The following ST18 variants were observed in gnomAD, a reference collection of about 807,000 sequenced individuals.
ST18 encodes suppression of tumorigenicity 18 protein.
Under a neutral mutation model 110.0 loss-of-function variants are expected in ST18, and 50 were observed. The observed-to-expected ratio is 0.45, with a 90% CI of 0.36 to 0.58. ST18 has a LOEUF of 0.58. Among genes scored for constraint, ST18 ranks in the 20% least tolerant of loss-of-function variants. The probability of loss-of-function intolerance (pLI) is 0.00; values close to 1 mark genes in which losing one functional copy is unlikely to be tolerated. For missense variants in ST18, 1,306 were observed against 1,280.1 expected, an observed-to-expected ratio of 1.02 and a Z score of -0.31; for synonymous variants, 461 against 452.4, an observed-to-expected ratio of 1.02 and a Z score of -0.24.
rs2087321494 is a variant in ST18, at chr8:52,222,634, A to G, written c.-418-841T>C. ...GGAGCCCTGCAGAGGCTCTCCATCCATGTGTCTATCATTAATAACTCCACA... is the reference window on the plus strand; with the variant it reads ...GGAGCCCTGCAGAGGCTCTCCATCCGTGTGTCTATCATTAATAACTCCACA... On this transcript the variant is annotated intron_variant, in intron 3 of 25. Coordinates refer to ENST00000689386, the MANE Select transcript of ST18 (RefSeq NM_001352837.2). Among the ~76,000 whole-genome samples the G allele has an allele frequency of 2.0e-5, 3 of 152,232 alleles. No individual in the cohort carries two copies. The South Asian group carries it at 6.2e-4, about 32-fold the overall frequency.
intron 2 of ST18, among the ~76,000 whole-genome samples, chr8:52,331,436 T>C (rs1277193471): frequency 6.6e-6 from 1 of 152,156 alleles, no homozygotes; most frequent in Non-Finnish European, 1.5e-5. Flanking sequence ...TAAGAGGTCA[T>C]TTCCAGAGCA....
intron 2 of ST18, among the ~76,000 whole-genome samples, chr8:52,332,138 A>G (rs1809770004): frequency 6.6e-6 from 1 of 152,046 alleles, no homozygotes; most frequent in African/African-American, 2.4e-5. Context: ...AAGTATAACC[A>G]CTCATTGTTA....
In ST18 at chr8:52,172,029, C is replaced by T. The variant is rs374934657; in HGVS notation, c.832G>A (p.Val278Ile). The T allele has an allele frequency of 1.4e-5, 23 of 1,614,112 alleles. No individual in the cohort carries two copies. Among genetic ancestry groups the T allele is most frequent in the South Asian group, 5.5e-5 (5 of 91,092 alleles). Residue 278 changes from valine to isoleucine, a missense_variant, in exon 10 of 26, where the codon GTT (valine) becomes ATT (isoleucine). Val to Ile is a conservative substitution (Grantham distance 29, BLOSUM62 3). Transcript: ENST00000689386. ...AGGCTCTCGCTATCTTCCTCCTCAA[C>T]GTCAGGGAATGAGGGCTGGGCATTG... ...DGNAQPSFPD[V>I]EEEDSESLAV...
chr8:52,357,793 A>C lies in ST18; in HGVS notation c.-465+51535T>G, dbSNP rs1381874393. On this transcript the variant is annotated intron_variant, in intron 2 of 25. Coordinates refer to ENST00000689386, the MANE Select transcript of ST18 (RefSeq NM_001352837.2). ...ATTTGGAAATTTTAATTCCCCACTT[A>C]TGTTAATGAATAGATCCATAAGGAA... Among the ~76,000 whole-genome samples the C allele has an allele frequency of 6.9e-5, 10 of 145,824 alleles. No individual in the cohort carries two copies. The Admixed American group carries it at 7.0e-4, about 10-fold the overall frequency.
At chr8:52,197,561 A>G (rs2076553630) in intron 8 of ST18, among the ~76,000 whole-genome samples, 1 of 152,220 alleles carries the variant, frequency 6.6e-6, no homozygotes, top group Non-Finnish European at 1.5e-5. Flanking sequence ...ACCAGGAAAC[A>G]TAAAGGTCTA....
At chr8:52,365,289 A>C (rs966492484) in intron 2 of ST18, among the ~76,000 whole-genome samples, 4 of 152,146 alleles carry the variant, frequency 2.6e-5, no homozygotes, top group Non-Finnish European at 4.4e-5. Flanking sequence ...TCAGATGAAG[A>C]ATGTTTCGCC....
Position 52,133,084 on chromosome 8 carries a change from T to G in ST18, c.2417A>C (p.Lys806Thr). 1 of 1,614,170 alleles carries G rather than the reference T, an allele frequency of 6.2e-7. No homozygotes were observed. The highest frequency in any genetic ancestry group is 8.5e-7 in the Non-Finnish European group (1 of 1,180,012). Residue 806 changes from lysine (K) to threonine (T), a missense_variant, in exon 21 of 26, where the codon AAG becomes ACG. Lys to Thr is a moderately conservative substitution (Grantham distance 78). Coordinates refer to ENST00000689386, the MANE Select transcript of ST18 (RefSeq NM_001352837.2). ...RKGGVKMTPT[K>T]EEKEDPELKC... ...CAGTTCAGGGTCTTCTTTTTCTTCC[T>G]TGGTAGGGGTCATTTTGACACCACC...
Position 52,164,047 on chromosome 8 carries a change from A to C in ST18, c.1339T>G (p.Ser447Ala). ...PIAAAEKLAM[S>A]QDKNQLDSPQ... ...GAATCAAGCTGATTTTTATCCTGGG[A>C]CATTGCCAATTTTTCAGCTGCAGCA... Residue 447 changes from serine to alanine, a missense_variant, in exon 13 of 26, where the codon TCC becomes GCC. Coordinates refer to ENST00000689386, the MANE Select transcript of ST18 (RefSeq NM_001352837.2). 6.2e-7 allele frequency: 1 copy of C among 1,614,196 alleles called. No individual in the cohort carries two copies. The highest frequency in any genetic ancestry group is 8.5e-7 in the Non-Finnish European group (1 of 1,180,018).
chr8:52,113,209 T>C lies in ST18; in HGVS notation c.3133A>G (p.Ile1045Val), dbSNP rs752411601. Residue 1045 changes from isoleucine (I) to valine (V), a missense_variant, in exon 26 of 26, where the codon ATC becomes GTC. Ile to Val is a conservative substitution (Grantham distance 29). Transcript: ENST00000689386. ...GCAGCGCTGTGATCCTACACATGGA[T>C]ACCCTTCACTGCCTGTTTGATACTT... is the stretch of plus-strand genomic sequence containing the variant. ...LESIKQAVKGIHV is the reference protein window; with the variant it reads ...LESIKQAVKGVHV 1 of 1,614,056 alleles carries C rather than the reference T, an allele frequency of 6.2e-7. No individual in the cohort carries two copies. The highest frequency in any genetic ancestry group is 8.5e-7 in the Non-Finnish European group (1 of 1,179,930).
intron 2 of ST18, among the ~76,000 whole-genome samples, chr8:52,246,398 A>T (rs1014127939): frequency 4.6e-5 from 7 of 152,172 alleles, no homozygotes; most frequent in Admixed American, 3.3e-4. Flanking sequence ...CCTATGCTGT[A>T]AATACTTAAT....
At chr8:52,150,547 G>C (rs1415519227) in intron 15 of ST18, among the ~76,000 whole-genome samples, 1 of 152,164 alleles carries the variant, frequency 6.6e-6, no homozygotes, top group Non-Finnish European at 1.5e-5. Context: ...GGCTATGTGA[G>C]CCGGAAATGC....
chr8:52,139,490 G>A (rs1038745254), intron 17 of ST18, among the ~76,000 whole-genome samples: 1 of 152,080 alleles, frequency 6.6e-6, no homozygotes, highest in Non-Finnish European at 1.5e-5. Context: ...CGAATAGCTT[G>A]GATTACAGGC....
At chr8:52,209,665 C>G (rs143055783) in intron 8 of ST18, among the ~76,000 whole-genome samples, 18,724 of 150,212 alleles carry the variant, frequency 0.12, 1,286 homozygotes, top group Middle Eastern at 0.22. Flanking sequence ...AGCTACTCGA[C>G]AGGCTGAGGC....
intron 2 of ST18, among the ~76,000 whole-genome samples, chr8:52,361,429 G>C (rs1050832366): frequency 1.3e-5 from 2 of 152,228 alleles, no homozygotes; most frequent in African/African-American, 4.8e-5. Context: ...GAAAATGCCT[G>C]AGAGTGGGAG....
intron 2 of ST18, among the ~76,000 whole-genome samples, chr8:52,397,131 C>A (rs1841420984): frequency 6.6e-6 from 1 of 152,134 alleles, no homozygotes; most frequent in African/African-American, 2.4e-5. Context: ...TTCTCCACAC[C>A]CTTACCAACA....
At chr8:52,207,439 C>T (rs1249471468) in intron 8 of ST18, among the ~76,000 whole-genome samples, 3 of 152,150 alleles carry the variant, frequency 2.0e-5, no homozygotes, top group African/African-American at 7.2e-5. Flanking sequence ...CTCCAGTGAG[C>T]CAAGGTCACA....
chr8:52,116,254 A>G lies in ST18; in HGVS notation c.3003+21T>C, dbSNP rs199592058. ...TGCAAATGCTTGTAATGGAATGGCA[A>G]GGTTCTGGCCTTGAACTTACCATCT... On this transcript the variant is annotated intron_variant, in intron 25 of 25. Transcript: ENST00000689386. 9 of 1,607,820 alleles carry G rather than the reference A, an allele frequency of 5.6e-6. No individual in the cohort carries two copies. The Admixed American group carries it at 1.2e-4, about 21-fold the overall frequency.
At chr8:52,176,947 T>C (rs557286099) in intron 9 of ST18, among the ~76,000 whole-genome samples, 75 of 152,354 alleles carry the variant, frequency 4.9e-4, no homozygotes, top group Non-Finnish European at 9.6e-4. Context: ...AATTCATCTT[T>C]CAAAGTTCCG....
chr8:52,270,259 A>C (rs1457160745), intron 2 of ST18, among the ~76,000 whole-genome samples: 4 of 152,160 alleles, frequency 2.6e-5, no homozygotes, highest in African/African-American at 9.7e-5. Context: ...AACTCTGTAA[A>C]AATCATTTTA....
Sources: gnomAD v4.1 joint callset for allele counts (sites outside exome capture counted in the v4.1 genomes callset) on GRCh38, gnomAD v4.1.1 for gene constraint, MANE v1.5 for transcripts, NCBI Gene and HGNC (gene_info 2026-07-23, HGNC 2026-07-21) for gene names.